The following FHIT variants were observed in gnomAD, a reference collection of about 807,000 sequenced individuals.
FHIT encodes fragile histidine triad diadenosine triphosphatase.
FHIT carries 19 observed loss-of-function variants against 17.9 expected under a neutral mutation model. The ratio of observed to expected loss-of-function variants is 1.06; its 90% CI spans 0.74 to 1.56. The LOEUF is 1.56. Ranked by LOEUF, FHIT falls within the 40% of genes most tolerant of loss-of-function variation. The probability of loss-of-function intolerance (pLI) is 0.00; values close to 1 mark genes in which losing one functional copy is unlikely to be tolerated. For synonymous variants in FHIT, 81 were observed against 69.7 expected (o/e 1.16, Z -0.81); for missense variants, 248 against 189.2 (o/e 1.31, Z -1.82).
intron 3 of FHIT, among the ~76,000 whole-genome samples, chr3:60,860,153 T>TGAGATACATCATATGTATATATGGTATAC (rs1703593703): frequency 3.0e-5 from 2 of 66,272 alleles, no homozygotes; most frequent in Admixed American, 1.5e-4. Flanking sequence ...ATATGGTATA[T>TGAGATACATCATATGTATATATGGTATAC]ATGATATACA....
intron 7 of FHIT, among the ~76,000 whole-genome samples, chr3:60,001,590 G>A (rs1559538237): frequency 1.3e-5 from 2 of 152,266 alleles, no homozygotes; most frequent in South Asian, 4.1e-4. Context: ...AGTGCTTTGA[G>A]TTTCCAGGTA....
Position 61,136,120 on chromosome 3 carries a change from G to A in FHIT, c.-164+64497C>T, listed in dbSNP as rs1211107376. 2.6e-5 allele frequency among the ~76,000 whole-genome samples: 4 copies of A among 152,058 alleles called. No individual in the cohort carries two copies. In the South Asian group the frequency reaches 6.2e-4, roughly 24 times the overall value. ...GTAGACAACATCCACGGAGGACCAG[G>A]TGAAGGAAAAGCAGAGAGTGATCAT... On this transcript the variant is annotated intron_variant, in intron 2 of 9. Coordinates refer to ENST00000492590, the MANE Select transcript of FHIT (RefSeq NM_002012.4).
chr3:60,978,158 T>C (rs945810174), intron 3 of FHIT, among the ~76,000 whole-genome samples: 4 of 152,328 alleles, frequency 2.6e-5, no homozygotes, highest in Admixed American at 2.0e-4. Context: ...GTACTTTCCT[T>C]GAGCCAGGTC....
At chr3:60,981,177 C>G (rs935914251) in intron 3 of FHIT, among the ~76,000 whole-genome samples, 1 of 152,234 alleles carries the variant, frequency 6.6e-6, no homozygotes. Context: ...GCAGATAATA[C>G]CCTTCTGCCC....
intron 1 of FHIT, among the ~76,000 whole-genome samples, chr3:61,229,205 G>C (rs1381393650): frequency 6.6e-6 from 1 of 152,162 alleles, no homozygotes; most frequent in East Asian, 1.9e-4. Flanking sequence ...GTCTGGGTGA[G>C]CTCTAAATAT....
intron 9 of FHIT, chr3:59,750,510 C>T (rs762495875): frequency 8.9e-5 from 20 of 224,326 alleles, no homozygotes; most frequent in Admixed American, 6.3e-4. Context: ...CCTTAAAAAA[C>T]GAGAGAGAGA....
chr3:61,198,752 T>G (rs969681531), intron 2 of FHIT, among the ~76,000 whole-genome samples: 21 of 152,174 alleles, frequency 1.4e-4, no homozygotes, highest in African/African-American at 5.1e-4. Flanking sequence ...ATTTGATTCC[T>G]AAGGACCAAG....
chr3:60,856,397 G>A (rs1703383176), intron 3 of FHIT: 2 of 152,026 alleles, frequency 1.3e-5, no homozygotes, highest in Admixed American at 1.3e-4. Context: ...AGATCACTCA[G>A]ACTGTGTCCT....
chr3:60,025,829 T>A (rs1184974545), intron 5 of FHIT, among the ~76,000 whole-genome samples: 10 of 151,326 alleles, frequency 6.6e-5, no homozygotes, highest in Admixed American at 6.6e-4. Context: ...AATGTCACTG[T>A]GGCAGCTTCC....
chr3:60,249,914 G>A (rs1454783909), intron 5 of FHIT, among the ~76,000 whole-genome samples: 1 of 152,074 alleles, frequency 6.6e-6, no homozygotes, highest in African/African-American at 2.4e-5. Context: ...GCAGCAGGAA[G>A]GAGAGCCTGT....
At chr3:59,934,289 G>A (rs902513540) in intron 7 of FHIT, among the ~76,000 whole-genome samples, 4 of 152,010 alleles carry the variant, frequency 2.6e-5, no homozygotes, top group African/African-American at 7.2e-5. Context: ...AGGTCTGCCC[G>A]ATTCCAACAT....
intron 4 of FHIT, among the ~76,000 whole-genome samples, chr3:60,724,666 T>G (rs1016136483): frequency 1.3e-4 from 19 of 149,688 alleles, no homozygotes; most frequent in East Asian, 1.9e-4. Context: ...TTTTGTTTTT[T>G]TTTTTTTTGA....
At chr3:60,186,466 C>G (rs1368967857) in intron 5 of FHIT, among the ~76,000 whole-genome samples, 2 of 152,152 alleles carry the variant, frequency 1.3e-5, no homozygotes, top group African/African-American at 4.8e-5. Flanking sequence ...AAAGGCTCAG[C>G]ATTTTCGAAA....
intron 5 of FHIT, among the ~76,000 whole-genome samples, chr3:60,163,952 C>G (rs971561430): frequency 6.6e-6 from 1 of 152,146 alleles, no homozygotes; most frequent in African/African-American, 2.4e-5. Flanking sequence ...ATCTCCTCCA[C>G]GTGAAAATGA....
chr3:60,927,705 C>T lies in FHIT; in HGVS notation c.-110-105694G>A, dbSNP rs988511727. Reference sequence around the variant, plus strand: ...CTGGGAGGTGGGGAGCACCCCCGCCCGGCAGCCGCCCCGTCTGTGAGGTGG... The same window carrying T: ...CTGGGAGGTGGGGAGCACCCCCGCCTGGCAGCCGCCCCGTCTGTGAGGTGG... On this transcript the variant is annotated intron_variant, in intron 3 of 9. Transcript: ENST00000492590. 7.9e-5 allele frequency among the ~76,000 whole-genome samples: 12 copies of T among 151,426 alleles called. No homozygotes were observed. The East Asian group carries it at 1.4e-3, about 17-fold the overall frequency.
chr3:60,356,576 T>A (rs1403227876), intron 5 of FHIT, among the ~76,000 whole-genome samples: 1 of 151,998 alleles, frequency 6.6e-6, no homozygotes, highest in Non-Finnish European at 1.5e-5. Flanking sequence ...GAGAACACCG[T>A]GAAATATAAA....
intron 3 of FHIT, among the ~76,000 whole-genome samples, chr3:60,874,167 C>T (rs913599081): frequency 1.3e-5 from 2 of 152,092 alleles, no homozygotes; most frequent in African/African-American, 2.4e-5. Flanking sequence ...AATGGTAATA[C>T]CTACATTGTA....
At chr3:60,100,144 C>T (rs970179645) in intron 5 of FHIT, among the ~76,000 whole-genome samples, 3 of 152,114 alleles carry the variant, frequency 2.0e-5, no homozygotes, top group Non-Finnish European at 4.4e-5. Context: ...CTTCTCCAAC[C>T]AAGTTGTTTG....
intron 8 of FHIT, among the ~76,000 whole-genome samples, chr3:59,846,705 G>A (rs1701733502): frequency 6.6e-6 from 1 of 152,066 alleles, no homozygotes; most frequent in South Asian, 2.1e-4. Flanking sequence ...TTACTGTCTA[G>A]CATCACCTCA....
Sources: gnomAD v4.1 joint callset for allele counts (sites outside exome capture counted in the v4.1 genomes callset) on GRCh38, gnomAD v4.1.1 for gene constraint, MANE v1.5 for transcripts, NCBI Gene and HGNC (gene_info 2026-07-23, HGNC 2026-07-21) for gene names.